The following ULK4 variants were observed in gnomAD, a reference collection of about 807,000 sequenced individuals.
The protein encoded by ULK4 is inactive serine/threonine-protein kinase ULK4.
In ULK4, 133 loss-of-function variants were observed where a neutral mutation model predicts 160.6. That is an observed-to-expected ratio of 0.83 (90% CI 0.72 to 0.96). The LOEUF (loss-of-function observed/expected upper bound fraction) is 0.96, where lower values mean the gene tolerates loss of function less well. ULK4 is among the 40% of genes least tolerant of loss of function. ULK4 has a pLI of 0.00. For missense variants in ULK4, 1,580 were observed against 1,499.5 expected (o/e 1.05, Z -0.89); for synonymous variants, 534 against 539.8 (o/e 0.99, Z 0.15).
At chr3:41,534,310 T>C (rs1345808893) in intron 32 of ULK4, among the ~76,000 whole-genome samples, 1 of 152,180 alleles carries the variant, frequency 6.6e-6, no homozygotes, top group Non-Finnish European at 1.5e-5. Flanking sequence ...ACTGTTGCAG[T>C]GTGTCATGTA....
chr3:41,636,820 T>C (rs775632436), intron 30 of ULK4, among the ~76,000 whole-genome samples: 75 of 151,722 alleles, frequency 4.9e-4, no homozygotes, highest in Non-Finnish European at 9.1e-4. Context: ...ATGGGCATTC[T>C]TGTATATAAA....
At chr3:41,743,865 C>T (rs760573053) in intron 22 of ULK4, among the ~76,000 whole-genome samples, 9 of 151,814 alleles carry the variant, frequency 5.9e-5, no homozygotes, top group Admixed American at 3.9e-4. Flanking sequence ...GGGGTTTCAT[C>T]ATGTTGGCCA....
At chr3:41,959,425 G>C (rs1427416629) in intron 1 of ULK4, among the ~76,000 whole-genome samples, 1 of 151,692 alleles carries the variant, frequency 6.6e-6, no homozygotes, top group African/African-American at 2.4e-5. Flanking sequence ...TATTCCGGAG[G>C]CTGAAGCAAG....
intron 30 of ULK4, among the ~76,000 whole-genome samples, chr3:41,646,622 A>T (rs2034505790): frequency 6.6e-6 from 1 of 152,208 alleles, no homozygotes; most frequent in African/African-American, 2.4e-5. Flanking sequence ...GGCTGCCCTT[A>T]ACATTTTTTC....
intron 22 of ULK4, among the ~76,000 whole-genome samples, chr3:41,733,725 A>ATT (rs778572755): frequency 0.035 from 3,310 of 93,486 alleles, 814 homozygotes; most frequent in African/African-American, 0.18. Flanking sequence ...TAAACACATG[A>ATT]TTTTTTTTTT....
chr3:41,844,163 T>A (rs9823027), intron 17 of ULK4, among the ~76,000 whole-genome samples: 43 of 152,094 alleles, frequency 2.8e-4, no homozygotes, highest in African/African-American at 1.0e-3. Context: ...CCGTGCCCTG[T>A]GCCCACACTC....
At chr3:41,603,233 CA>C (rs889449661) in intron 31 of ULK4, among the ~76,000 whole-genome samples, 14 of 151,872 alleles carry the variant, frequency 9.2e-5, no homozygotes, top group African/African-American at 3.4e-4. Context: ...CATAAAGAAA[CA>C]CTACATAATG....
intron 12 of ULK4, among the ~76,000 whole-genome samples, chr3:41,904,172 C>A (rs1698472876): frequency 6.6e-6 from 1 of 152,076 alleles, no homozygotes; most frequent in African/African-American, 2.4e-5. Flanking sequence ...GTGGCTCACA[C>A]CTGTAATCCC....
At chr3:41,494,364 T>A (rs2084909226) in intron 32 of ULK4, among the ~76,000 whole-genome samples, 1 of 131,670 alleles carries the variant, frequency 7.6e-6, no homozygotes, top group African/African-American at 2.9e-5. Flanking sequence ...AAAAGGCCTT[T>A]GACAAAATTC....
chr3:41,778,051 T>C lies in ULK4; in HGVS notation c.2193+11610A>G, dbSNP rs1191689086. Among the ~76,000 whole-genome samples, 9 of 128,626 alleles carry C rather than the reference T, an allele frequency of 7.0e-5. 1 individual carries two copies. Among genetic ancestry groups the C allele is most frequent in the Non-Finnish European group, 1.4e-4 (9 of 62,834 alleles). The allele number at this position is 128,626 out of a possible 152,430, so 84.4% of individuals were successfully genotyped here. A position where few individuals can be genotyped will look rare whatever the true frequency, so the allele number is the denominator to read the frequency against. ...AAAGAGGAAGTCAAATTGTCCCTGT[T>C]TGCAGACGACATGATTGTTTATCTA... On this transcript the variant is annotated intron_variant, in intron 21 of 36. Coordinates refer to ENST00000301831, the MANE Select transcript of ULK4 (RefSeq NM_017886.4).
chr3:41,880,533 C>T (rs1191677986), intron 17 of ULK4, among the ~76,000 whole-genome samples: 1 of 152,154 alleles, frequency 6.6e-6, no homozygotes, highest in Non-Finnish European at 1.5e-5. Context: ...ATTCATTAAA[C>T]TCTCCAGCAT....
intron 18 of ULK4, among the ~76,000 whole-genome samples, chr3:41,831,886 T>C (rs570237250): frequency 2.6e-5 from 4 of 152,332 alleles, no homozygotes; most frequent in African/African-American, 9.6e-5. Flanking sequence ...ATCTCATTCT[T>C]TTTTATTGCT....
At chr3:41,948,222 G>A (rs1700172033) in intron 2 of ULK4, among the ~76,000 whole-genome samples, 2 of 152,100 alleles carry the variant, frequency 1.3e-5, no homozygotes, top group South Asian at 2.1e-4. Flanking sequence ...AGGTCGAGGT[G>A]GGCGGATCAC....
chr3:41,451,463 T>A (rs2083423628), intron 34 of ULK4, among the ~76,000 whole-genome samples: 1 of 151,654 alleles, frequency 6.6e-6, no homozygotes, highest in African/African-American at 2.4e-5. Context: ...TAATATGTGA[T>A]CAAAGGGGAA....
At chr3:41,709,231 TAAG>T (rs981000353) in intron 25 of ULK4, among the ~76,000 whole-genome samples, 105 of 151,382 alleles carry the variant, frequency 6.9e-4, no homozygotes, top group African/African-American at 2.5e-3. Flanking sequence ...ACCTTTAAAA[TAAG>T]AAAAAAAAAC....
At chr3:41,600,666 T>C (rs767999102) in intron 31 of ULK4, among the ~76,000 whole-genome samples, 8 of 152,126 alleles carry the variant, frequency 5.3e-5, no homozygotes, top group Non-Finnish European at 1.0e-4. Context: ...ATCAGAGAGG[T>C]GGCACCACCG....
intron 18 of ULK4, among the ~76,000 whole-genome samples, chr3:41,830,227 C>T (rs1401804917): frequency 3.3e-5 from 5 of 152,004 alleles, no homozygotes; most frequent in East Asian, 3.9e-4. Flanking sequence ...AGCACACCAA[C>T]ATGACACATG....
At chr3:41,854,206 T>C (rs1330324975) in intron 17 of ULK4, 1 of 152,250 alleles carries the variant, frequency 6.6e-6, no homozygotes, top group Non-Finnish European at 1.5e-5. Flanking sequence ...CTAAAAGCTC[T>C]GGAAATTGAA....
intron 17 of ULK4, among the ~76,000 whole-genome samples, chr3:41,836,767 A>G (rs77890885): frequency 0.043 from 6,487 of 152,284 alleles, 425 homozygotes; most frequent in African/African-American, 0.15. Flanking sequence ...ATGTACGCTG[A>G]AACTCGACAG....
Sources: gnomAD v4.1 joint callset for allele counts (sites outside exome capture counted in the v4.1 genomes callset) on GRCh38, gnomAD v4.1.1 for gene constraint, MANE v1.5 for transcripts, NCBI Gene and HGNC (gene_info 2026-07-23, HGNC 2026-07-21) for gene names.